The following DRAXIN variants were observed in gnomAD, a reference collection of about 807,000 sequenced individuals.
DRAXIN encodes dorsal inhibitory axon guidance protein, also known as dorsal repulsive axon guidance protein.
In DRAXIN, 27 loss-of-function variants were observed where a neutral mutation model predicts 33.9. The observed-to-expected ratio is 0.80, with a 90% CI of 0.59 to 1.10. The LOEUF is 1.10. DRAXIN is among the 50% of genes least tolerant of loss of function. The pLI is 0.00. For synonymous variants in DRAXIN, 178 were observed against 194.0 expected (o/e 0.92, Z 0.69); for missense variants, 371 against 460.8 (o/e 0.81, Z 1.78).
intron 2 of DRAXIN, among the ~76,000 whole-genome samples, chr1:11,707,679 T>G (rs891200328): frequency 6.6e-6 from 1 of 152,228 alleles, no homozygotes; most frequent in African/African-American, 2.4e-5. Flanking sequence ...CTACCGCTCC[T>G]GCCTCTGCCC....
Position 11,706,928 on chromosome 1 carries a change from T to C in DRAXIN, c.451+219T>C, listed in dbSNP as rs12082198. 6.4e-3 allele frequency among the ~76,000 whole-genome samples: 971 copies of C among 152,194 alleles called. 12 individuals carry two copies. Among genetic ancestry groups the C allele is most frequent in the African/African-American group, 0.022 (907 of 41,524 alleles). ...ATGTGTTGCAATACAATCTGTCTTA[T>C]CGCGGCCCGGTGCCGTGGCTCACGC... On this transcript the variant is annotated intron_variant, in intron 2 of 6. Transcript: ENST00000294485. This position sits in a 1 kb window ranked among gnomAD's most constrained non-coding sequence, Gnocchi z 5.5.
intron 6 of DRAXIN, among the ~76,000 whole-genome samples, chr1:11,716,858 C>T (rs74657824): frequency 0.034 from 5,185 of 152,238 alleles, 272 homozygotes; most frequent in African/African-American, 0.12. Flanking sequence ...GCACCTACTG[C>T]GTATCAGACA....
intron 3 of DRAXIN, 38 bp downstream of exon 3, chr1:11,709,503 C>A: frequency 6.3e-7 from 1 of 1,581,114 alleles, no homozygotes; most frequent in Non-Finnish European, 8.6e-7. Flanking sequence ...CTGGAAGGGT[C>A]CTTGAGCCCA....
At chr1:11,712,643 A>G (rs954457016) in intron 5 of DRAXIN, among the ~76,000 whole-genome samples, 2 of 152,236 alleles carry the variant, frequency 1.3e-5, no homozygotes, top group Non-Finnish European at 2.9e-5. Flanking sequence ...TCACACCTGT[A>G]ATCCCAGCAC....
intron 2 of DRAXIN, among the ~76,000 whole-genome samples, chr1:11,708,130 G>T (rs1438857868): frequency 3.9e-5 from 6 of 152,342 alleles, no homozygotes; most frequent in African/African-American, 1.4e-4. Context: ...GCTTTCAGGG[G>T]AGGATGCTGG....
rs1330415286 is a variant in DRAXIN at position 11,694,410 on chromosome 1, C to A, written c.-11+2557C>A. On this transcript the variant is annotated intron_variant, in intron 1 of 6. Transcript: ENST00000294485. The surrounding 1 kb of genome is among the most constrained non-coding windows in gnomAD (Gnocchi z 4.9). ...CCCGGAAACCCCTGTGATACTGAGG[C>A]CCTGTATCACTCTGGAAAATGAGGG... Among the ~76,000 whole-genome samples, 1 of 151,926 alleles carries A rather than the reference C, an allele frequency of 6.6e-6. No homozygotes were observed. Among genetic ancestry groups the A allele is most frequent in the Non-Finnish European group, 1.5e-5 (1 of 67,984 alleles).
rs370101974 is a variant in DRAXIN at position 11,712,394 on chromosome 1, G to A, written c.812G>A (p.Gly271Glu). Residue 271 changes from glycine to glutamate, a missense_variant, in exon 5 of 7, where the codon GGG (glycine) becomes GAG (glutamate). Gly to Glu is a moderately conservative substitution (Grantham distance 98). Transcript: ENST00000294485. ...SDGNETSPAE[G>E]EPCDHHQDCL... ...GGTAACGAAACATCACCAGCCGAAGGGGAACCATGCGACCATCACCAAGAC... is the reference window on the plus strand; with the variant it reads ...GGTAACGAAACATCACCAGCCGAAGAGGAACCATGCGACCATCACCAAGAC... The A allele has an allele frequency of 4.3e-6, 7 of 1,613,922 alleles. No homozygotes were observed. The highest frequency in any genetic ancestry group is 5.1e-6 in the Non-Finnish European group (6 of 1,180,002).
chr1:11,703,910 C>T (rs1641339671), intron 1 of DRAXIN, among the ~76,000 whole-genome samples: 1 of 152,116 alleles, frequency 6.6e-6, no homozygotes. Flanking sequence ...CATGCTGCTT[C>T]GGGGTGTTGG....
chr1:11,710,381 G>A (rs779944606), intron 3 of DRAXIN, among the ~76,000 whole-genome samples: 1 of 151,956 alleles, frequency 6.6e-6, no homozygotes, highest in Non-Finnish European at 1.5e-5. Context: ...TGTAGTACCA[G>A]CTACTTGGGA....
At chr1:11,691,087 G>T (rs1236332037), upstream of DRAXIN, among the ~76,000 whole-genome samples, 4 of 152,160 alleles carry the variant, frequency 2.6e-5, no homozygotes, top group African/African-American at 4.8e-5. Context: ...GCGACCTCTC[G>T]GAGAACCCCG....
chr1:11,690,347 C>T (rs371683532), upstream of DRAXIN, among the ~76,000 whole-genome samples: 10 of 152,236 alleles, frequency 6.6e-5, no homozygotes, highest in South Asian at 1.0e-3. This position sits in a 1 kb window ranked among gnomAD's most constrained non-coding sequence, Gnocchi z 4.2. Context: ...ATCCTGGTGC[C>T]CACCAAGCTA....
In DRAXIN at chr1:11,724,104, A is replaced by G. The variant is rs1357919128; in HGVS notation, c.*4408A>G. 6.6e-6 allele frequency: 1 copy of G among 152,242 alleles called. No individual in the cohort carries two copies. The highest frequency in any genetic ancestry group is 2.4e-5 in the African/African-American group (1 of 41,460). The allele number at this position is 152,242 out of a possible 1,614,324, so 9.4% of individuals were successfully genotyped here. A position where few individuals can be genotyped will look rare whatever the true frequency, so the allele number is the denominator to read the frequency against. On this transcript the variant is annotated 3_prime_UTR_variant, in exon 7 of 7. Coordinates refer to ENST00000294485, the MANE Select transcript of DRAXIN (RefSeq NM_198545.4). ...CACTGGGACCATGAGATGCTCTATT[A>G]GAAAGGGTCAGGGTACGGTTCCATG... is the stretch of plus-strand genomic sequence containing the variant.
In DRAXIN at chr1:11,694,772, G is replaced by A. The variant is rs1641164528; in HGVS notation, c.-11+2919G>A. On this transcript the variant is annotated intron_variant, in intron 1 of 6. Transcript: ENST00000294485. The surrounding 1 kb of genome is among the most constrained non-coding windows in gnomAD (Gnocchi z 4.9). ...TCCTTCTCAGGGGTGAGTCGCTGTG[G>A]CCAGTGGTCCCCAAGAAGAAGAAGG... Among the ~76,000 whole-genome samples, 1 of 152,146 alleles carries A rather than the reference G, an allele frequency of 6.6e-6. No individual in the cohort carries two copies. Among genetic ancestry groups the A allele is most frequent in the South Asian group, 2.1e-4 (1 of 4,830 alleles).
At position 11,692,084 on chromosome 1, in the gene DRAXIN, G is replaced by A. The variant is rs1641080954; in HGVS notation, c.-11+231G>A. 6.6e-6 allele frequency among the ~76,000 whole-genome samples: 1 copy of A among 152,000 alleles called. No homozygotes were observed. The highest frequency in any genetic ancestry group is 1.5e-5 in the Non-Finnish European group (1 of 67,970). ...CCACGGACCCTGGCTCTGCTCCCGG[G>A]CTCCCCATCCGTCCACCTACCGCTG... is the stretch of plus-strand genomic sequence containing the variant. On this transcript the variant is annotated intron_variant, in intron 1 of 6. Transcript: ENST00000294485. This position sits in a 1 kb window ranked among gnomAD's most constrained non-coding sequence, Gnocchi z 5.8.
rs1214913031 is a variant in DRAXIN at position 11,719,810 on chromosome 1, A to T, written c.*114A>T. The T allele has an allele frequency of 2.0e-6, 2 of 1,000,328 alleles. No individual in the cohort carries two copies. The highest frequency in any genetic ancestry group is 3.2e-5 in the African/African-American group (2 of 62,616). The allele number at this position is 1,000,328 out of a possible 1,614,324, so 62.0% of individuals were successfully genotyped here. A position where few individuals can be genotyped will look rare whatever the true frequency, so the allele number is the denominator to read the frequency against. On this transcript the variant is annotated 3_prime_UTR_variant, in exon 7 of 7. Transcript: ENST00000294485. ...AACAGATGGCTGAGGCTGCAGACTC[A>T]GGCCCAGGACACTCAACCCCAGGAG...
chr1:11,716,374 T>C (rs1286087313), intron 6 of DRAXIN, among the ~76,000 whole-genome samples: 1 of 152,224 alleles, frequency 6.6e-6, no homozygotes, highest in African/African-American at 2.4e-5. Context: ...AATATTTTAG[T>C]GTGTACCTCT....
In DRAXIN at chr1:11,723,270, C is replaced by T. The variant is rs180681577; in HGVS notation, c.*3574C>T. The T allele has an allele frequency of 7.9e-5, 12 of 152,360 alleles. 1 individual carries two copies. Among genetic ancestry groups the T allele is most frequent in the Admixed American group, 4.6e-4 (7 of 15,300 alleles). 9.4% of individuals were successfully genotyped at this position (152,360 alleles called of 1,614,324 possible). A position where few individuals can be genotyped will look rare whatever the true frequency, so the allele number is the denominator to read the frequency against. On this transcript the variant is annotated 3_prime_UTR_variant, in exon 7 of 7. Transcript: ENST00000294485. ...CAACCCCTGCTCAAGCCTGCTCACTCTCAACGCTGGCTGCACGTTGCAATA... is the reference window on the plus strand; with the variant it reads ...CAACCCCTGCTCAAGCCTGCTCACTTTCAACGCTGGCTGCACGTTGCAATA...
At chr1:11,714,567 A>G (rs1557693084) in intron 5 of DRAXIN, among the ~76,000 whole-genome samples, 1 of 152,218 alleles carries the variant, frequency 6.6e-6, no homozygotes, top group Non-Finnish European at 1.5e-5. Context: ...ATTCTACAAA[A>G]CAGCAACCAA....
Position 11,692,606 on chromosome 1 carries a change from G to A in DRAXIN, c.-11+753G>A, listed in dbSNP as rs1306247471. On this transcript the variant is annotated intron_variant, in intron 1 of 6. Transcript: ENST00000294485. The surrounding 1 kb of genome is among the most constrained non-coding windows in gnomAD (Gnocchi z 5.8). ...CGCCTTCGGGGCCGGGGTATGAGAT[G>A]AGAGAGGGCTGGGGTTTCCCGCCAA... Among the ~76,000 whole-genome samples the A allele has an allele frequency of 6.6e-6, 1 of 152,214 alleles. No individual in the cohort carries two copies. Among genetic ancestry groups the A allele is most frequent in the Non-Finnish European group, 1.5e-5 (1 of 68,042 alleles).
Sources: gnomAD v4.1 joint callset for allele counts (sites outside exome capture counted in the v4.1 genomes callset) on GRCh38, gnomAD v4.1.1 for gene constraint, Gnocchi (gnomAD v3.1) non-coding constraint, MANE v1.5 for transcripts, NCBI Gene and HGNC (gene_info 2026-07-23, HGNC 2026-07-21) for gene names.